The following ARID1B variants were observed in gnomAD, a reference collection of about 807,000 sequenced individuals.
ARID1B encodes AT-rich interaction domain 1B.
A neutral mutation model predicts 212.3 loss-of-function variants in ARID1B; 30 were observed. That is an observed-to-expected ratio of 0.14 (90% CI 0.11 to 0.19). ARID1B has a LOEUF of 0.19. Among genes scored for constraint, ARID1B ranks in the 10% least tolerant of loss-of-function variants. The pLI is 1.00. For synonymous variants in ARID1B, 1,402 were observed against 1,301.7 expected, an observed-to-expected ratio of 1.08 and a Z score of -1.66; for missense variants, 2,891 against 3,204.0, an observed-to-expected ratio of 0.90 and a Z score of 2.36.
At chr6:156,976,627 C>T (rs1430325377) in intron 4 of ARID1B, among the ~76,000 whole-genome samples, 5 of 152,154 alleles carry the variant, frequency 3.3e-5, no homozygotes, top group African/African-American at 1.2e-4. Flanking sequence ...GCAACGGCAA[C>T]CCTTCTGGGT....
chr6:156,839,100 A>G (rs867629903), intron 2 of ARID1B, among the ~76,000 whole-genome samples: 2 of 152,320 alleles, frequency 1.3e-5, no homozygotes, highest in Middle Eastern at 3.4e-3. Flanking sequence ...CATGGAGATG[A>G]CAAGGTCTTA....
chr6:157,006,051 C>G (rs1038721061), intron 4 of ARID1B, among the ~76,000 whole-genome samples: 3 of 152,130 alleles, frequency 2.0e-5, no homozygotes, highest in African/African-American at 7.2e-5. Context: ...ACAACACCCC[C>G]CATTGAGAGA....
At chr6:156,878,044 A>C (rs1179074840) in intron 2 of ARID1B, among the ~76,000 whole-genome samples, 1 of 151,960 alleles carries the variant, frequency 6.6e-6, no homozygotes, top group Non-Finnish European at 1.5e-5. Flanking sequence ...TTGATTAGTT[A>C]CGTAAGATCT....
At chr6:157,141,740 T>A (rs752837984) in intron 7 of ARID1B, among the ~76,000 whole-genome samples, 1 of 152,198 alleles carries the variant, frequency 6.6e-6, no homozygotes. Flanking sequence ...AAAGCCACGT[T>A]GATTTCTATT....
intron 5 of ARID1B, among the ~76,000 whole-genome samples, chr6:157,096,145 A>G (rs1004916035): frequency 6.6e-6 from 1 of 152,162 alleles, no homozygotes; most frequent in Non-Finnish European, 1.5e-5. Context: ...CTTTCCCTTC[A>G]CGAAGTCCTT....
intron 6 of ARID1B, among the ~76,000 whole-genome samples, chr6:157,131,226 G>A (rs1367562321): frequency 2.6e-5 from 4 of 152,156 alleles, no homozygotes; most frequent in Non-Finnish European, 4.4e-5. Flanking sequence ...CGTCCCACAC[G>A]CTCTGCTAGG....
chr6:157,090,678 C>T (rs775547978), intron 5 of ARID1B, among the ~76,000 whole-genome samples: 8 of 152,204 alleles, frequency 5.3e-5, no homozygotes, highest in South Asian at 2.1e-4. Flanking sequence ...TTTCACATTT[C>T]GTGCTTCGCT....
chr6:157,096,029 T>C (rs1785597980), intron 5 of ARID1B, among the ~76,000 whole-genome samples: 1 of 152,212 alleles, frequency 6.6e-6, no homozygotes, highest in Non-Finnish European at 1.5e-5. Flanking sequence ...TCCCTAGAGC[T>C]GCATTAAAGA....
chr6:156,778,313 G>GCAA lies in ARID1B; in HGVS notation c.636_638dup (p.Gln214dup). ...AGCAACAGCAGCAGCAGCAGCAGCA[G>GCAA]CAACAGCAACATCCCATTTCCAACA... On this transcript the variant is annotated inframe_insertion, in exon 1 of 20. Coordinates refer to ENST00000636930, the MANE Select transcript of ARID1B (RefSeq NM_001374828.1). 2 of 1,544,864 alleles carry GCAA rather than the reference G, an allele frequency of 1.3e-6. No individual in the cohort carries two copies. The highest frequency in any genetic ancestry group is 1.7e-6 in the Non-Finnish European group (2 of 1,146,644).
chr6:156,778,003 T>G lies in ARID1B; in HGVS notation c.323T>G (p.Leu108Arg). The G allele has an allele frequency of 6.5e-7, 1 of 1,531,058 alleles. No homozygotes were observed. The highest frequency in any genetic ancestry group is 8.7e-7 in the Non-Finnish European group (1 of 1,144,908). 94.8% of individuals were successfully genotyped at this position (1,531,058 alleles called of 1,614,324 possible). Residue 108 changes from leucine (L) to arginine (R), a missense_variant, in exon 1 of 20, where the codon CTC becomes CGC. By Grantham distance (102) the Leu-to-Arg change is moderately radical. Coordinates refer to ENST00000636930, the MANE Select transcript of ARID1B (RefSeq NM_001374828.1). The stretch of plus-strand genomic sequence containing the variant: ...AAGAGCGGCGGCTCCGAGGCGGCTC[T>G]CAAGGAGGGTGGAAGCGCCGCCGCG... ...SAKSGGSEAA[L>R]KEGGSAAALS...
chr6:156,945,475 T>C (rs1793050320), intron 4 of ARID1B, among the ~76,000 whole-genome samples: 2 of 151,878 alleles, frequency 1.3e-5, no homozygotes, highest in East Asian at 1.9e-4. Context: ...TGCTGCGGCC[T>C]CCTGGCACCT....
At chr6:156,963,256 A>G (rs925535891) in intron 4 of ARID1B, among the ~76,000 whole-genome samples, 4 of 152,212 alleles carry the variant, frequency 2.6e-5, no homozygotes, top group African/African-American at 9.6e-5. Flanking sequence ...AAGTCTGTTC[A>G]GTGATGTTAA....
rs1010941083 is a variant in ARID1B at position 157,190,253 on chromosome 6, A to G, written c.4231+43A>G. ...TCCACCCGGCCATGGACCAGTGGGC[A>G]TTCTACTCTCTGCCGTTCCACAACA... On this transcript the variant is annotated intron_variant, in intron 15 of 19. Transcript: ENST00000636930. The surrounding 1 kb of genome is among the most constrained non-coding windows in gnomAD (Gnocchi z 4.6). 1.3e-6 allele frequency: 2 copies of G among 1,567,606 alleles called. No homozygotes were observed. The highest frequency in any genetic ancestry group is 1.7e-4 in the Middle Eastern group (1 of 5,870).
chr6:156,785,642 C>G (rs1042506451), intron 1 of ARID1B, among the ~76,000 whole-genome samples: 2 of 152,048 alleles, frequency 1.3e-5, no homozygotes, highest in Non-Finnish European at 2.9e-5. Context: ...GTGGCTGTCA[C>G]CATCATCATC....
chr6:157,152,024 A>G (rs1790234877), intron 8 of ARID1B: 1 of 152,238 alleles, frequency 6.6e-6, no homozygotes, highest in South Asian at 2.1e-4. Context: ...AGAATGAGGT[A>G]AACATGGTTA....
intron 4 of ARID1B, among the ~76,000 whole-genome samples, chr6:157,014,637 A>G (rs1023970537): frequency 6.6e-6 from 1 of 152,198 alleles, no homozygotes; most frequent in Non-Finnish European, 1.5e-5. Context: ...GATGTATGAC[A>G]GAGTTACCAT....
chr6:157,063,945 CGCA>C (rs967916869), intron 4 of ARID1B, among the ~76,000 whole-genome samples: 4 of 152,174 alleles, frequency 2.6e-5, no homozygotes, highest in Non-Finnish European at 4.4e-5. Context: ...TGGTTGGCAC[CGCA>C]GTGCTCTACC....
At chr6:157,001,671 CA>C (rs1562539845) in intron 4 of ARID1B, among the ~76,000 whole-genome samples, 1 of 152,188 alleles carries the variant, frequency 6.6e-6, no homozygotes, top group African/African-American at 2.4e-5. Context: ...TTGACAAAAA[CA>C]GAAAACAAAA....
At chr6:157,028,312 T>C (rs1454896407) in intron 4 of ARID1B, among the ~76,000 whole-genome samples, 1 of 152,206 alleles carries the variant, frequency 6.6e-6, no homozygotes, top group Admixed American at 6.5e-5. Flanking sequence ...AATTTAGGAA[T>C]AAGTATAGAA....
Sources: gnomAD v4.1 joint callset for allele counts (sites outside exome capture counted in the v4.1 genomes callset) on GRCh38, gnomAD v4.1.1 for gene constraint, Gnocchi (gnomAD v3.1) non-coding constraint, MANE v1.5 for transcripts, NCBI Gene and HGNC (gene_info 2026-07-23, HGNC 2026-07-21) for gene names.